Variants in NTM observed in about 807,000 individuals in gnomAD.
The protein encoded by NTM is neurotrimin.
In NTM, 13 loss-of-function variants were observed where a neutral mutation model predicts 42.1. That is an observed-to-expected ratio of 0.31 (90% CI 0.20 to 0.49). The LOEUF (loss-of-function observed/expected upper bound fraction) is 0.49, where lower values mean the gene tolerates loss of function less well. NTM is among the 20% of genes least tolerant of loss of function. NTM has a pLI of 0.99. For missense variants in NTM, 373 were observed against 452.8 expected (o/e 0.82, Z 1.60); for synonymous variants, 187 against 179.2 (o/e 1.04, Z -0.35).
At chr11:131,744,139 T>G (rs900001507) in intron 1 of NTM, among the ~76,000 whole-genome samples, 1 of 152,312 alleles carries the variant, frequency 6.6e-6, no homozygotes, top group Non-Finnish European at 1.5e-5. Flanking sequence ...GATTTCCCCA[T>G]CTGTGAATTA....
intron 1 of NTM, among the ~76,000 whole-genome samples, chr11:131,624,367 C>T (rs562265758): frequency 2.0e-5 from 3 of 152,276 alleles, no homozygotes; most frequent in East Asian, 3.9e-4. Flanking sequence ...GTCTCATTAG[C>T]GTCCTCATCT....
chr11:131,420,442 C>A (rs754030014), intron 1 of NTM, among the ~76,000 whole-genome samples: 1 of 152,176 alleles, frequency 6.6e-6, no homozygotes, highest in Non-Finnish European at 1.5e-5. Context: ...CTTTGGTCCT[C>A]GGCATTTCAG....
chr11:131,841,097 G>T (rs1229908447), intron 1 of NTM, among the ~76,000 whole-genome samples: 1 of 152,140 alleles, frequency 6.6e-6, no homozygotes, highest in Non-Finnish European at 1.5e-5. Context: ...CATTTTATAG[G>T]TCATGCACTG....
At chr11:132,111,063 CAAAAAAAAAAAAAAAAAAAAAAAAA>C (rs57458373) in intron 2 of NTM, among the ~76,000 whole-genome samples, 460 of 35,446 alleles carry the variant, frequency 0.013, 6 homozygotes, top group Middle Eastern at 0.019. Context: ...GGCCCTATCT[CAAAAAAAAAAAAAAAAAAAAAAAAA>C]AAAAAAAAAA....
At chr11:132,097,713 C>T (rs2061178556) in intron 2 of NTM, among the ~76,000 whole-genome samples, 1 of 152,234 alleles carries the variant, frequency 6.6e-6, no homozygotes, top group South Asian at 2.1e-4. Flanking sequence ...GTAGTAGAGA[C>T]TTCGTGAACA....
At chr11:131,456,275 G>A (rs1437989335) in intron 1 of NTM, among the ~76,000 whole-genome samples, 1 of 152,196 alleles carries the variant, frequency 6.6e-6, no homozygotes, top group Non-Finnish European at 1.5e-5. Context: ...ATTACACTAG[G>A]CAGTTCCAGA....
chr11:132,175,365 G>C lies in NTM; in HGVS notation c.400+28851G>C, dbSNP rs373546972. On this transcript the variant is annotated intron_variant, in intron 3 of 8. Transcript: ENST00000683400. ...CACCCTGGCTCCTGCTCTCCACGCTGCACCAGCTCCATAAGCATTAGCACC... is the reference window on the plus strand; with the variant it reads ...CACCCTGGCTCCTGCTCTCCACGCTCCACCAGCTCCATAAGCATTAGCACC... Among the ~76,000 whole-genome samples the C allele has an allele frequency of 1.6e-4, 25 of 152,118 alleles. No homozygotes were observed. In the East Asian group the frequency reaches 4.5e-3, roughly 27 times the overall value.
chr11:131,844,416 C>A (rs960765280), intron 1 of NTM, among the ~76,000 whole-genome samples: 1 of 152,078 alleles, frequency 6.6e-6, no homozygotes, highest in Non-Finnish European at 1.5e-5. Context: ...TAGGATGAGT[C>A]CCCCCATCCT....
At chr11:132,091,519 CA>C (rs199630783) in intron 2 of NTM, among the ~76,000 whole-genome samples, 2,317 of 152,210 alleles carry the variant, frequency 0.015, 59 homozygotes, top group African/African-American at 0.051. Flanking sequence ...CTCACTCTGT[CA>C]CCCAGGCTGG....
At chr11:131,632,954 T>C (rs1337819867) in intron 1 of NTM, among the ~76,000 whole-genome samples, 1 of 152,094 alleles carries the variant, frequency 6.6e-6, no homozygotes, top group African/African-American at 2.4e-5. Flanking sequence ...ATTACAGGCG[T>C]GAGCCACCGC....
chr11:131,397,561 C>G (rs1412826327), intron 1 of NTM, among the ~76,000 whole-genome samples: 1 of 152,186 alleles, frequency 6.6e-6, no homozygotes, highest in Admixed American at 6.5e-5. Context: ...TTTGGGCGGG[C>G]ATGAGGCAAT....
intron 1 of NTM, chr11:131,796,180 A>G (rs2091535570): frequency 1.0e-6 from 1 of 985,012 alleles, no homozygotes; most frequent in South Asian, 4.7e-5. Flanking sequence ...GCAGCTGGGG[A>G]AACAAAGGAA....
At chr11:131,574,163 G>A (rs151065915) in intron 1 of NTM, among the ~76,000 whole-genome samples, 2 of 152,140 alleles carry the variant, frequency 1.3e-5, no homozygotes, top group East Asian at 1.9e-4. Flanking sequence ...AGGCTGGCTC[G>A]GCCTTTGGAA....
chr11:131,781,034 G>T (rs897489011), intron 1 of NTM, among the ~76,000 whole-genome samples: 1 of 152,050 alleles, frequency 6.6e-6, no homozygotes, highest in African/African-American at 2.4e-5. Context: ...ACTTTAGAAA[G>T]TATCTTGTAC....
At chr11:132,089,575 T>C (rs192074405) in intron 2 of NTM, among the ~76,000 whole-genome samples, 1 of 152,208 alleles carries the variant, frequency 6.6e-6, no homozygotes, top group Non-Finnish European at 1.5e-5. Context: ...AAAAGATGAA[T>C]TTTTTCATAA....
chr11:131,912,743 A>T lies in NTM; in HGVS notation c.167+1095A>T, dbSNP rs530645591. Among the ~76,000 whole-genome samples, 4 of 152,324 alleles carry T rather than the reference A, an allele frequency of 2.6e-5. No homozygotes were observed. In the South Asian group the frequency reaches 8.3e-4, roughly 32 times the overall value. ...ACATGGCAATATTCCTGTCCTTTGC[A>T]CATGAAGATTTCTGGAAAGATAACC... On this transcript the variant is annotated intron_variant, in intron 2 of 8. Coordinates refer to ENST00000683400, the MANE Select transcript of NTM (RefSeq NM_001352005.2).
intron 2 of NTM, among the ~76,000 whole-genome samples, chr11:132,104,937 GTATATATA>G (rs534897526): frequency 0.098 from 6,007 of 61,558 alleles, 919 homozygotes; most frequent in Non-Finnish European, 0.11. Context: ...ATATACATAT[GTATATATA>G]TATATATATA....
At chr11:131,565,010 C>T in intron 1 of NTM, among the ~76,000 whole-genome samples, 1 of 152,212 alleles carries the variant, frequency 6.6e-6, no homozygotes, top group South Asian at 2.1e-4. Context: ...CGGTATGGGA[C>T]AGGACGACAT....
chr11:131,575,509 G>A (rs1380515130), intron 1 of NTM, among the ~76,000 whole-genome samples: 1 of 152,154 alleles, frequency 6.6e-6, no homozygotes, highest in African/African-American at 2.4e-5. Flanking sequence ...CATAGGAAGT[G>A]GCACAGTCTA....
Sources: allele counts gnomAD v4.1 joint callset (sites outside exome capture counted in the v4.1 genomes callset), GRCh38; gene constraint gnomAD v4.1.1; transcripts MANE v1.5; gene names NCBI Gene and HGNC (gene_info 2026-07-23, HGNC 2026-07-21).